The following PTPRT variants were observed in gnomAD, a reference collection of about 807,000 sequenced individuals.
The protein encoded by PTPRT is receptor-type tyrosine-protein phosphatase T.
PTPRT carries 56 observed loss-of-function variants against 176.8 expected under a neutral mutation model. That is an observed-to-expected ratio of 0.32 (90% confidence interval 0.26 to 0.40). The LOEUF (loss-of-function observed/expected upper bound fraction) is 0.40. Ranked by LOEUF, PTPRT falls within the 10% of genes least tolerant of loss-of-function variation. The probability of loss-of-function intolerance (pLI) is 1.00; values close to 1 mark genes in which losing one functional copy is unlikely to be tolerated. For synonymous variants in PTPRT, 783 were observed against 739.0 expected, an observed-to-expected ratio of 1.06 and a Z score of -0.96; for missense variants, 1,540 against 1,908.2, an observed-to-expected ratio of 0.81 and a Z score of 3.60.
chr20:42,924,487 A>G (rs964436597), intron 1 of PTPRT, among the ~76,000 whole-genome samples: 6 of 152,194 alleles, frequency 3.9e-5, no homozygotes, highest in African/African-American at 1.4e-4. Context: ...TACTCCTATA[A>G]GGAGCAAAAT....
At chr20:42,035,184 C>T in the PTPRT span, among the ~76,000 whole-genome samples, 3 of 152,120 alleles carry the variant, frequency 2.0e-5, no homozygotes, top group East Asian at 1.9e-4. Context: ...TCCCACTGAC[C>T]TCTCAGGTAT....
intron 9 of PTPRT, among the ~76,000 whole-genome samples, chr20:42,360,528 G>A (rs2058418708): frequency 6.6e-6 from 1 of 152,092 alleles, no homozygotes; most frequent in Non-Finnish European, 1.5e-5. Context: ...GGGTGTCCTG[G>A]GTGCTATGAT....
intron 1 of PTPRT, among the ~76,000 whole-genome samples, chr20:43,147,726 T>C (rs1469839388): frequency 6.6e-6 from 1 of 152,122 alleles, no homozygotes; most frequent in Admixed American, 6.5e-5. Context: ...GAGCATCCCT[T>C]CTTCATCATG....
chr20:42,462,707 T>G (rs900443251), intron 8 of PTPRT, among the ~76,000 whole-genome samples: 3 of 152,172 alleles, frequency 2.0e-5, no homozygotes, highest in Non-Finnish European at 4.4e-5. Flanking sequence ...ACGGAAATTT[T>G]GGATAGAGCT....
At chr20:42,496,989 G>A (rs1347810608) in intron 7 of PTPRT, among the ~76,000 whole-genome samples, 1 of 152,096 alleles carries the variant, frequency 6.6e-6, no homozygotes, top group Non-Finnish European at 1.5e-5. Context: ...GGGTTCTAGG[G>A]GGCCAGAGGT....
chr20:42,627,660 A>C (rs1171202642), intron 7 of PTPRT, among the ~76,000 whole-genome samples: 1 of 152,154 alleles, frequency 6.6e-6, no homozygotes, highest in Non-Finnish European at 1.5e-5. Context: ...CGGAGGCTTC[A>C]ACAGAACAAT....
intron 6 of PTPRT, among the ~76,000 whole-genome samples, chr20:42,680,065 C>T (rs1377330987): frequency 6.6e-6 from 1 of 152,136 alleles, no homozygotes; most frequent in Non-Finnish European, 1.5e-5. Flanking sequence ...TATAGAGGGC[C>T]TCTGGGTTAT....
chr20:42,295,674 G>A (rs1217112686), intron 12 of PTPRT, among the ~76,000 whole-genome samples: 1 of 152,198 alleles, frequency 6.6e-6, no homozygotes, highest in East Asian at 1.9e-4. Context: ...TAGGGAAAGA[G>A]AAGAGTAGTA....
intron 6 of PTPRT, among the ~76,000 whole-genome samples, chr20:42,717,169 TA>T (rs2076237358): frequency 7.7e-6 from 1 of 130,270 alleles, no homozygotes; most frequent in South Asian, 2.6e-4. Flanking sequence ...ACATGTACCC[TA>T]AAACTTAAAG....
chr20:42,629,493 C>T (rs1180598067), intron 7 of PTPRT, among the ~76,000 whole-genome samples: 1 of 152,150 alleles, frequency 6.6e-6, no homozygotes, highest in East Asian at 1.9e-4. Flanking sequence ...AATTTCTACA[C>T]AATGGGATCT....
At chr20:42,535,500 A>C (rs1387789688) in intron 7 of PTPRT, among the ~76,000 whole-genome samples, 1 of 152,190 alleles carries the variant, frequency 6.6e-6, no homozygotes, top group East Asian at 1.9e-4. Context: ...ATATGATGTA[A>C]GTTGGTAGAG....
chr20:42,350,805 T>A lies in PTPRT; in HGVS notation c.1763-75A>T, dbSNP rs1400017386. Reference sequence around the variant, plus strand: ...GGCTCCCCACCGCCCCTTGCTGCCATCCTTAAAGACACAGCATGGATAGAG... The same window carrying A: ...GGCTCCCCACCGCCCCTTGCTGCCAACCTTAAAGACACAGCATGGATAGAG... On this transcript the variant is annotated intron_variant, in intron 10 of 30. Transcript: ENST00000373187. 4.6e-6 allele frequency: 5 copies of A among 1,095,048 alleles called. 1 individual carries two copies. In the South Asian group the frequency reaches 6.4e-5, roughly 14 times the overall value. 67.8% of individuals were successfully genotyped at this position (1,095,048 alleles called of 1,614,324 possible).
intron 1 of PTPRT, among the ~76,000 whole-genome samples, chr20:43,067,005 G>T (rs574984500): frequency 1.3e-5 from 2 of 152,296 alleles, no homozygotes; most frequent in Admixed American, 6.5e-5. Flanking sequence ...GCCCTGTTCT[G>T]CAGGAATAAA....
chr20:42,183,018 C>A lies in PTPRT; in HGVS notation c.2491+16222G>T, dbSNP rs527653838. ...AAGTCTGATATAGGCAGAAACAATACTTACTTAAAGCTTTATCCACTCCCA... is the reference window on the plus strand; with the variant it reads ...AAGTCTGATATAGGCAGAAACAATAATTACTTAAAGCTTTATCCACTCCCA... On this transcript the variant is annotated intron_variant, in intron 16 of 30. Coordinates refer to ENST00000373187, the MANE Select transcript of PTPRT (RefSeq NM_007050.6). Among the ~76,000 whole-genome samples, 23 of 151,758 alleles carry A rather than the reference C, an allele frequency of 1.5e-4. 1 individual carries two copies. In the South Asian group the frequency reaches 4.6e-3, roughly 30 times the overall value.
intron 11 of PTPRT, among the ~76,000 whole-genome samples, chr20:42,347,116 T>C (rs572247039): frequency 1.1e-4 from 16 of 152,210 alleles, no homozygotes; most frequent in Non-Finnish European, 1.9e-4. Context: ...GCCAATCAGT[T>C]AACATCTTAG....
At chr20:42,818,161 C>A (rs761606458) in intron 2 of PTPRT, among the ~76,000 whole-genome samples, 1 of 152,102 alleles carries the variant, frequency 6.6e-6, no homozygotes, top group African/African-American at 2.4e-5. Flanking sequence ...CCCAGAAGAA[C>A]GAGCAGGCAC....
chr20:42,072,666 G>T, downstream of PTPRT: 1 of 183,054 alleles, frequency 5.5e-6, no homozygotes, highest in Non-Finnish European at 1.2e-5. Flanking sequence ...TAAATATAAA[G>T]AAACCTAGCT....
At chr20:43,016,146 T>C (rs1985358540) in intron 1 of PTPRT, among the ~76,000 whole-genome samples, 1 of 152,048 alleles carries the variant, frequency 6.6e-6, no homozygotes, top group Admixed American at 6.5e-5. Context: ...ACACAAGAGT[T>C]CAGAGTTTGG....
chr20:43,147,116 A>G (rs995938022), intron 1 of PTPRT, among the ~76,000 whole-genome samples: 4 of 151,990 alleles, frequency 2.6e-5, no homozygotes. Flanking sequence ...CTCTCCAGGT[A>G]CCTCTGCTCC....
Sources: gnomAD v4.1 joint callset for allele counts (sites outside exome capture counted in the v4.1 genomes callset) on GRCh38, gnomAD v4.1.1 for gene constraint, MANE v1.5 for transcripts, NCBI Gene and HGNC (gene_info 2026-07-23, HGNC 2026-07-21) for gene names.